TEX9: variants seen among roughly 807,000 people sequenced by gnomAD.
TEX9 encodes the protein testis-expressed protein 9.
TEX9 carries 74 observed loss-of-function variants against 59.6 expected under a neutral mutation model. The observed-to-expected ratio is 1.24, with a 90% CI of 1.03 to 1.51. The LOEUF (loss-of-function observed/expected upper bound fraction) is 1.51. Ranked by LOEUF, TEX9 falls within the 40% of genes most tolerant of loss-of-function variation. The pLI is 0.00. For synonymous variants in TEX9, 186 were observed against 152.2 expected, an observed-to-expected ratio of 1.22 and a Z score of -1.64; for missense variants, 522 against 447.8, an observed-to-expected ratio of 1.17 and a Z score of -1.49.
At chr15:56,404,683 G>A (rs1332765173) in intron 9 of TEX9, among the ~76,000 whole-genome samples, 13 of 152,094 alleles carry the variant, frequency 8.5e-5, no homozygotes, top group African/African-American at 2.2e-4. Context: ...ACATGCACAC[G>A]TATGTTTATT....
intron 12 of TEX9, chr15:56,434,537 T>A (rs979224749): frequency 1.1e-6 from 1 of 897,808 alleles, no homozygotes. Context: ...CATGATAACT[T>A]TGTCCATCCC....
chr15:56,435,735 T>C (rs954249515), intron 12 of TEX9, among the ~76,000 whole-genome samples: 1 of 151,944 alleles, frequency 6.6e-6, no homozygotes, highest in African/African-American at 2.4e-5. Flanking sequence ...GAAAATTCTA[T>C]CAAATATTTA....
intron 1 of TEX9, among the ~76,000 whole-genome samples, chr15:56,314,341 T>G (rs373933355): frequency 0.023 from 1,489 of 63,838 alleles, 32 homozygotes; most frequent in East Asian, 0.085. Flanking sequence ...GAGATTCTGG[T>G]ATGTTGTGTC....
At chr15:56,443,854 C>T (rs2050862160) in intron 12 of TEX9, 1 of 1,590,804 alleles carries the variant, frequency 6.3e-7, no homozygotes, top group Non-Finnish European at 8.5e-7. Context: ...GTTGTTTTTC[C>T]CTGAAAAGCA....
At chr15:56,321,787 C>T (rs575695048) in intron 1 of TEX9, among the ~76,000 whole-genome samples, 4 of 152,226 alleles carry the variant, frequency 2.6e-5, no homozygotes, top group East Asian at 1.9e-4. Flanking sequence ...TTGCTATCCT[C>T]AAGTACTGAT....
intron 12 of TEX9, among the ~76,000 whole-genome samples, chr15:56,435,731 T>G (rs2140334900): frequency 6.6e-6 from 1 of 152,080 alleles, no homozygotes; most frequent in Middle Eastern, 3.4e-3. Flanking sequence ...ACTAGAAAAT[T>G]CTATCAAATA....
At chr15:56,309,323 T>G (rs921773048) in intron 1 of TEX9, among the ~76,000 whole-genome samples, 3 of 152,192 alleles carry the variant, frequency 2.0e-5, no homozygotes, top group Admixed American at 6.5e-5. Context: ...GATTCTGTGG[T>G]TTTTGTATTT....
intron 1 of TEX9, chr15:56,274,506 G>A (rs1305635143): frequency 6.6e-6 from 1 of 151,790 alleles, no homozygotes; most frequent in African/African-American, 2.4e-5. Context: ...ATTTTTTCTT[G>A]CTTTTATATG....
At chr15:56,305,689 A>G (rs1185361279) in intron 1 of TEX9, among the ~76,000 whole-genome samples, 3 of 152,206 alleles carry the variant, frequency 2.0e-5, no homozygotes, top group African/African-American at 7.2e-5. Context: ...AGATTGGGAA[A>G]GCGCTCCAGG....
chr15:56,370,676 C>T (rs374758142), intron 2 of TEX9, among the ~76,000 whole-genome samples: 1 of 152,090 alleles, frequency 6.6e-6, no homozygotes, highest in Non-Finnish European at 1.5e-5. Context: ...CTATTTTTCT[C>T]TGTTGTTTTG....
intron 1 of TEX9, among the ~76,000 whole-genome samples, chr15:56,344,443 A>T (rs2046427952): frequency 6.6e-6 from 1 of 152,200 alleles, no homozygotes; most frequent in Admixed American, 6.6e-5. Context: ...AATTCCATTT[A>T]TATAAAATTT....
At chr15:56,371,695 A>G (rs1191119691) in intron 2 of TEX9, among the ~76,000 whole-genome samples, 3 of 152,094 alleles carry the variant, frequency 2.0e-5, no homozygotes, top group Non-Finnish European at 4.4e-5. Context: ...TTTTCAATTT[A>G]CCTTTACTAG....
intron 1 of TEX9, among the ~76,000 whole-genome samples, chr15:56,285,939 A>G (rs2044942711): frequency 6.6e-6 from 1 of 152,300 alleles, no homozygotes; most frequent in South Asian, 2.1e-4. Flanking sequence ...CATGGATTGA[A>G]ATAGTTTGAA....
At chr15:56,420,332 G>A (rs2049919127) in intron 10 of TEX9, among the ~76,000 whole-genome samples, 1 of 143,566 alleles carries the variant, frequency 7.0e-6, no homozygotes, top group Admixed American at 7.7e-5. Flanking sequence ...CCCCTAGACA[G>A]AGTCTTGCTC....
At chr15:56,316,178 G>T (rs2045755805) in intron 1 of TEX9, among the ~76,000 whole-genome samples, 1 of 144,450 alleles carries the variant, frequency 6.9e-6, no homozygotes, top group African/African-American at 2.5e-5. Context: ...ATCCAGCTTT[G>T]TTCCGTTGCT....
intron 1 of TEX9, among the ~76,000 whole-genome samples, chr15:56,270,638 A>G (rs1187081476): frequency 6.6e-6 from 1 of 152,176 alleles, no homozygotes; most frequent in East Asian, 1.9e-4. Context: ...ATTTACATTT[A>G]AGGTTAATAT....
At chr15:56,437,889 C>G (rs372844467) in intron 12 of TEX9, among the ~76,000 whole-genome samples, 1 of 152,066 alleles carries the variant, frequency 6.6e-6, no homozygotes, top group East Asian at 1.9e-4. Context: ...AATAAAATAC[C>G]TAGGAATCCA....
chr15:56,321,906 G>T (rs1190544710), intron 1 of TEX9, among the ~76,000 whole-genome samples: 1 of 152,108 alleles, frequency 6.6e-6, no homozygotes, highest in Admixed American at 6.6e-5. Flanking sequence ...AGTAGTTGCC[G>T]GGGTTAGGAG....
At chr15:56,341,393 C>G (rs1340728375) in intron 1 of TEX9, among the ~76,000 whole-genome samples, 1 of 152,152 alleles carries the variant, frequency 6.6e-6, no homozygotes, top group Non-Finnish European at 1.5e-5. Flanking sequence ...ACTGCTTTAA[C>G]GTATCTTGAA....
Sources: gnomAD v4.1 joint callset for allele counts (sites outside exome capture counted in the v4.1 genomes callset) on GRCh38, gnomAD v4.1.1 for gene constraint, MANE v1.5 for transcripts, NCBI Gene and HGNC (gene_info 2026-07-23, HGNC 2026-07-21) for gene names.